Variants in FOLH1 observed in about 807,000 individuals in gnomAD.
The protein encoded by FOLH1 is folate hydrolase 1.
Under a neutral mutation model 93.9 loss-of-function variants are expected in FOLH1, and 54 were observed. That is an observed-to-expected ratio of 0.57 (90% confidence interval 0.46 to 0.72). The LOEUF is 0.72. Among genes scored for constraint, FOLH1 ranks in the 30% least tolerant of loss-of-function variants. The probability of loss-of-function intolerance (pLI) is 0.00; values close to 1 mark genes in which losing one functional copy is unlikely to be tolerated. For synonymous variants in FOLH1, 249 were observed against 303.6 expected (o/e 0.82, Z 1.87); for missense variants, 571 against 892.5 (o/e 0.64, Z 4.59).
chr11:49,176,471 A>T (rs1860053228), intron 7 of FOLH1, among the ~76,000 whole-genome samples: 1 of 152,230 alleles, frequency 6.6e-6, no homozygotes, highest in Non-Finnish European at 1.5e-5. Context: ...AGAAATAAAG[A>T]TTCAGGCAGA....
At chr11:49,198,468 C>A (rs994839265) in intron 3 of FOLH1, among the ~76,000 whole-genome samples, 20 of 147,842 alleles carry the variant, frequency 1.4e-4, no homozygotes, top group Admixed American at 9.4e-4. Context: ...GGCGACAAAG[C>A]GAGACTCCGT....
chr11:49,155,795 C>CATGT (rs1254674003), intron 15 of FOLH1, among the ~76,000 whole-genome samples: 12 of 52,130 alleles, frequency 2.3e-4, no homozygotes, highest in African/African-American at 5.9e-4. Flanking sequence ...AAATGAAAAC[C>CATGT]ATATATATAT....
intron 2 of FOLH1, among the ~76,000 whole-genome samples, chr11:49,203,146 C>T (rs909835138): frequency 2.6e-5 from 4 of 151,768 alleles, no homozygotes; most frequent in African/African-American, 7.3e-5. Flanking sequence ...TATTCAAATA[C>T]AGACCTATGT....
At chr11:49,195,708 A>T (rs1196128735) in intron 3 of FOLH1, among the ~76,000 whole-genome samples, 1 of 152,164 alleles carries the variant, frequency 6.6e-6, no homozygotes, top group Non-Finnish European at 1.5e-5. Flanking sequence ...AACAAATAAT[A>T]TTATTTATTA....
At chr11:49,159,207 C>A (rs772522051) in intron 13 of FOLH1, among the ~76,000 whole-genome samples, 1 of 152,050 alleles carries the variant, frequency 6.6e-6, no homozygotes, top group Non-Finnish European at 1.5e-5. Flanking sequence ...TATTTTGTGT[C>A]GGTTTTGAAA....
At position 49,148,933 on chromosome 11, in the gene FOLH1, T is replaced by C. The variant is rs561899995; in HGVS notation, c.1971-202A>G. On this transcript the variant is annotated intron_variant, in intron 17 of 18. Transcript: ENST00000256999. ...GTCGGCCCTCCTCCTTTGTGGAATT[T>C]TTTTTTATTATTATACTTTTAAGTT... 3.3e-5 allele frequency among the ~76,000 whole-genome samples: 5 copies of C among 152,312 alleles called. No individual in the cohort carries two copies. In the East Asian group the frequency reaches 9.7e-4, roughly 29 times the overall value.
intron 12 of FOLH1, 147 bp downstream of exon 12, chr11:49,169,048 G>A (rs1294307415): frequency 3.8e-6 from 3 of 796,044 alleles, no homozygotes; most frequent in Non-Finnish European, 6.1e-6. Context: ...CTCAACTAGG[G>A]TTCATACACT....
intron 1 of FOLH1, 95 bp downstream of exon 1, chr11:49,208,197 G>C (rs2135368617): frequency 1.1e-6 from 1 of 920,386 alleles, no homozygotes; most frequent in South Asian, 1.7e-5. Context: ...GGGAAGACCA[G>C]CAACAGGATC....
intron 2 of FOLH1, among the ~76,000 whole-genome samples, chr11:49,205,212 A>G (rs1348570571): frequency 6.6e-6 from 1 of 152,128 alleles, no homozygotes; most frequent in African/African-American, 2.4e-5. Context: ...CTCAAAAGAA[A>G]AAAGGAAAGA....
intron 4 of FOLH1, among the ~76,000 whole-genome samples, chr11:49,188,720 CTG>C (rs1442777305): frequency 6.6e-6 from 1 of 152,088 alleles, no homozygotes; most frequent in Non-Finnish European, 1.5e-5. Context: ...TAGAATGAGA[CTG>C]GGATCAGCAA....
intron 7 of FOLH1, among the ~76,000 whole-genome samples, chr11:49,182,426 GGAAAGTTTCAATAATGAAAGCA>G (rs1458475637): frequency 1.3e-5 from 2 of 151,342 alleles, no homozygotes; most frequent in African/African-American, 2.4e-5. Flanking sequence ...AACAAATCTG[GGAAAGTTTCAATAATGAAAGCA>G]GAAAGTTTCA....
chr11:49,151,277 C>T (rs555119001), intron 17 of FOLH1, among the ~76,000 whole-genome samples: 31 of 152,268 alleles, frequency 2.0e-4, no homozygotes, highest in Non-Finnish European at 3.7e-4. Context: ...TTAGCAACTC[C>T]GATAAACAGT....
chr11:49,188,680 C>G (rs1330522627), intron 4 of FOLH1, among the ~76,000 whole-genome samples: 1 of 152,108 alleles, frequency 6.6e-6, no homozygotes, highest in East Asian at 1.9e-4. Context: ...TATCTTAACA[C>G]ATTTGTTCAG....
At position 49,154,303 on chromosome 11, in the gene FOLH1, T is replaced by C. The variant is rs1348845696; in HGVS notation, c.1813A>G (p.Arg605Gly). Residue 605 changes from arginine (R) to glycine (G), a missense_variant, in exon 16 of 19, where the codon AGA (arginine) becomes GGA (glycine). Arg to Gly is a moderately radical substitution (Grantham distance 125, BLOSUM62 -2). Around this residue, in one of 2 missense-constraint regions of FOLH1, gnomAD observed 500 missense variants for 822.9 expected, o/e 0.61. Transcript: ENST00000256999. Reference sequence around the variant, plus strand: ...CTGTAGATTTTGTCAGCATACTTTCTTAAAACTACAGCATAATCTCGACAA... The same window carrying C: ...CTGTAGATTTTGTCAGCATACTTTCCTAAAACTACAGCATAATCTCGACAA... Reference protein sequence around the residue: ...FDCRDYAVVLRKYADKIYSIS... With the variant: ...FDCRDYAVVLGKYADKIYSIS... 3.1e-6 allele frequency: 5 copies of C among 1,613,372 alleles called. No homozygotes were observed. The African/African-American group carries it at 5.3e-5, about 17-fold the overall frequency.
chr11:49,145,094 C>A lies in FOLH1; in HGVS notation c.*1662G>T, dbSNP rs776553832. 1.3e-5 allele frequency among the ~76,000 whole-genome samples: 2 copies of A among 152,112 alleles called. No homozygotes were observed. The highest frequency in any genetic ancestry group is 1.3e-4 in the Admixed American group (2 of 15,264). On this transcript the variant is annotated 3_prime_UTR_variant, in exon 19 of 19. Coordinates refer to ENST00000256999, the MANE Select transcript of FOLH1 (RefSeq NM_004476.3). The stretch of plus-strand genomic sequence containing the variant: ...AAATATAGAAAACATTCCAAATATA[C>A]ACCAGCAGAAATAAATACATTTTAT...
intron 7 of FOLH1, among the ~76,000 whole-genome samples, chr11:49,176,959 C>G (rs1404099584): frequency 6.6e-6 from 1 of 152,204 alleles, no homozygotes; most frequent in Non-Finnish European, 1.5e-5. Flanking sequence ...GTAAGGCTTT[C>G]TCTGCGGTCA....
chr11:49,168,749 G>T, intron 12 of FOLH1, among the ~76,000 whole-genome samples: 1 of 152,106 alleles, frequency 6.6e-6, no homozygotes, highest in Non-Finnish European at 1.5e-5. Flanking sequence ...GCGATTACAG[G>T]CGTGAGCCAC....
At chr11:49,169,709 G>A (rs573296228) in intron 11 of FOLH1, among the ~76,000 whole-genome samples, 3 of 152,144 alleles carry the variant, frequency 2.0e-5, no homozygotes, top group Non-Finnish European at 2.9e-5. Flanking sequence ...TTCATGTTAC[G>A]AAAAATAAGT....
chr11:49,195,779 A>G (rs570730914), intron 3 of FOLH1, among the ~76,000 whole-genome samples: 44 of 152,330 alleles, frequency 2.9e-4, no homozygotes, highest in Non-Finnish European at 4.6e-4. Flanking sequence ...ACTAGGAACA[A>G]CTATACTATA....
Sources: allele counts gnomAD v4.1 joint callset (sites outside exome capture counted in the v4.1 genomes callset), GRCh38; gene constraint gnomAD v4.1.1; regional missense constraint gnomAD v4.1.1; transcripts MANE v1.5; gene names NCBI Gene and HGNC (gene_info 2026-07-23, HGNC 2026-07-21).